The following MGAT4C variants were observed in gnomAD, a reference collection of about 807,000 sequenced individuals.
MGAT4C encodes the protein alpha-1,3-mannosyl-glycoprotein 4-beta-N-acetylglucosaminyltransferase C.
A neutral mutation model predicts 40.1 loss-of-function variants in MGAT4C; 19 were observed. That is an observed-to-expected ratio of 0.47 (90% CI 0.33 to 0.70). The LOEUF (loss-of-function observed/expected upper bound fraction) is 0.70. Ranked by LOEUF, MGAT4C falls within the 30% of genes least tolerant of loss-of-function variation. The pLI is 0.02. For missense variants in MGAT4C, 491 were observed against 563.2 expected (o/e 0.87, Z 1.30); for synonymous variants, 181 against 187.1 (o/e 0.97, Z 0.27).
chr12:86,083,320 T>C (rs1260622578), intron 1 of MGAT4C, among the ~76,000 whole-genome samples: 1 of 152,090 alleles, frequency 6.6e-6, no homozygotes, highest in Non-Finnish European at 1.5e-5. Flanking sequence ...CTTCTCTCAT[T>C]GATTCTCAGT....
intron 4 of MGAT4C, 118 bp downstream of exon 4, chr12:85,983,405 C>T (rs1884846699): frequency 2.0e-6 from 2 of 998,632 alleles, no homozygotes; most frequent in East Asian, 6.2e-5. Flanking sequence ...AAGTTTTGCC[C>T]AAATAATTTA....
chr12:86,539,347 C>T (rs1056178244), intron 2 of MGAT4C, among the ~76,000 whole-genome samples: 8 of 152,174 alleles, frequency 5.3e-5, no homozygotes, highest in African/African-American at 1.9e-4. Context: ...CTACAAAGGA[C>T]ATGAACTCAT....
intron 1 of MGAT4C, among the ~76,000 whole-genome samples, chr12:86,086,137 A>C (rs1424450910): frequency 1.3e-5 from 2 of 152,182 alleles, no homozygotes; most frequent in Non-Finnish European, 2.9e-5. Context: ...CTTGGACCCA[A>C]CCCAAATGCC....
At chr12:86,025,883 A>G (rs1890198226) in intron 2 of MGAT4C, among the ~76,000 whole-genome samples, 1 of 151,764 alleles carries the variant, frequency 6.6e-6, no homozygotes, top group Non-Finnish European at 1.5e-5. Context: ...CAAACAGTGA[A>G]AGTAATTAAT....
intron 1 of MGAT4C, among the ~76,000 whole-genome samples, chr12:86,240,868 A>T (rs1951755726): frequency 6.6e-6 from 1 of 152,138 alleles, no homozygotes; most frequent in Non-Finnish European, 1.5e-5. Flanking sequence ...TCACCCCTTC[A>T]GTATGGGACC....
At chr12:86,656,444 C>G (rs1593085421) in intron 2 of MGAT4C, among the ~76,000 whole-genome samples, 1 of 152,124 alleles carries the variant, frequency 6.6e-6, no homozygotes, top group African/African-American at 2.4e-5. Context: ...GGTAGGCTAA[C>G]AAGTATGACT....
At chr12:86,670,739 G>T (rs1301007857) in intron 2 of MGAT4C, among the ~76,000 whole-genome samples, 1 of 152,182 alleles carries the variant, frequency 6.6e-6, no homozygotes, top group East Asian at 1.9e-4. Flanking sequence ...TATAAAAAAT[G>T]AGCATCACCA....
intron 2 of MGAT4C, among the ~76,000 whole-genome samples, chr12:86,640,173 C>G (rs898573711): frequency 1.1e-4 from 16 of 151,570 alleles, no homozygotes; most frequent in Non-Finnish European, 2.2e-4. Flanking sequence ...AACAAGTTAG[C>G]ATATTAATTA....
At chr12:86,739,919 ATAT>A (rs981406093) in intron 1 of MGAT4C, among the ~76,000 whole-genome samples, 32 of 150,998 alleles carry the variant, frequency 2.1e-4, no homozygotes, top group African/African-American at 7.2e-4. Flanking sequence ...TTATATATAT[ATAT>A]GTTTCTGTAA....
At chr12:86,700,612 T>C (rs928228352) in intron 2 of MGAT4C, among the ~76,000 whole-genome samples, 3 of 152,082 alleles carry the variant, frequency 2.0e-5, no homozygotes, top group Non-Finnish European at 2.9e-5. Context: ...TGGGTGCATA[T>C]AGAGTTACAT....
intron 2 of MGAT4C, among the ~76,000 whole-genome samples, chr12:86,479,587 G>C (rs1957899832): frequency 6.6e-6 from 1 of 151,848 alleles, no homozygotes; most frequent in African/African-American, 2.4e-5. Context: ...ACCTTGGGCA[G>C]TAACAACTCT....
intron 1 of MGAT4C, among the ~76,000 whole-genome samples, chr12:86,226,524 T>C (rs1486085702): frequency 1.3e-5 from 2 of 151,990 alleles, no homozygotes; most frequent in Non-Finnish European, 2.9e-5. Flanking sequence ...CTCTACTCTC[T>C]GTCTTATCTG....
chr12:86,591,465 G>C (rs1357075563), intron 2 of MGAT4C, among the ~76,000 whole-genome samples: 2 of 151,810 alleles, frequency 1.3e-5, no homozygotes, highest in African/African-American at 2.4e-5. Context: ...CCTAGTATTT[G>C]AATGATTACA....
intron 4 of MGAT4C, among the ~76,000 whole-genome samples, chr12:86,332,234 A>C (rs1954685588): frequency 1.3e-5 from 2 of 152,184 alleles, no homozygotes; most frequent in Non-Finnish European, 2.9e-5. Flanking sequence ...ATACTTTAGA[A>C]AGATTTTACT....
intron 1 of MGAT4C, among the ~76,000 whole-genome samples, chr12:86,087,282 T>G (rs569300104): frequency 5.9e-5 from 9 of 152,226 alleles, no homozygotes; most frequent in Admixed American, 4.6e-4. Context: ...TCCAGTTATT[T>G]TATATTTCTG....
Position 86,758,357 on chromosome 12 carries a change from T to C in MGAT4C, c.-261-31116A>G, listed in dbSNP as rs554712717. ...TGTTAGAAAATAAAGCTAGGGAACA[T>C]ATTTTTATGTCCGAATCCTTTTTTT... On this transcript the variant is annotated intron_variant, in intron 1 of 7. Coordinates refer to the MGAT4C transcript ENST00000548651. Among the ~76,000 whole-genome samples, 3 of 145,658 alleles carry C rather than the reference T, an allele frequency of 2.1e-5. No homozygotes were observed. In the East Asian group the frequency reaches 6.1e-4, roughly 29 times the overall value.
chr12:86,738,135 C>A (rs1165899300), intron 1 of MGAT4C, among the ~76,000 whole-genome samples: 1 of 151,386 alleles, frequency 6.6e-6, no homozygotes, highest in African/African-American at 2.4e-5. Context: ...AACATTTGTA[C>A]TCAGTCATTG....
At chr12:86,696,429 ATAAT>A (rs1020352068) in intron 2 of MGAT4C, among the ~76,000 whole-genome samples, 2 of 152,162 alleles carry the variant, frequency 1.3e-5, no homozygotes, top group African/African-American at 4.8e-5. Flanking sequence ...CAATAAATAA[ATAAT>A]TAAGTAAAAG....
intron 1 of MGAT4C, among the ~76,000 whole-genome samples, chr12:86,222,827 G>A (rs887144281): frequency 6.6e-6 from 1 of 152,198 alleles, no homozygotes; most frequent in Non-Finnish European, 1.5e-5. Context: ...AAGCAAGAGA[G>A]AGAAGAGAAG....
Sources: gnomAD v4.1 joint callset for allele counts (sites outside exome capture counted in the v4.1 genomes callset) on GRCh38, gnomAD v4.1.1 for gene constraint, MANE v1.5 for transcripts, NCBI Gene and HGNC (gene_info 2026-07-23, HGNC 2026-07-21) for gene names.